CTNNA2: variants seen among roughly 807,000 people sequenced by gnomAD.
The protein encoded by CTNNA2 is catenin alpha-2.
In CTNNA2, 42 loss-of-function variants were observed where a neutral mutation model predicts 101.0. That is an observed-to-expected ratio of 0.42 (90% CI 0.32 to 0.54). The LOEUF (loss-of-function observed/expected upper bound fraction) is 0.54, where lower values mean the gene tolerates loss of function less well. Ranked by LOEUF, CTNNA2 falls within the 20% of genes least tolerant of loss-of-function variation. The probability of loss-of-function intolerance (pLI) is 0.14; values close to 1 mark genes in which losing one functional copy is unlikely to be tolerated. For synonymous variants in CTNNA2, 450 were observed against 456.4 expected, an observed-to-expected ratio of 0.99 and a Z score of 0.18; for missense variants, 871 against 1,223.1, an observed-to-expected ratio of 0.71 and a Z score of 4.29.
intron 3 of CTNNA2, among the ~76,000 whole-genome samples, chr2:79,852,671 A>C (rs939687904): frequency 6.6e-6 from 1 of 152,216 alleles, no homozygotes; most frequent in Non-Finnish European, 1.5e-5. Flanking sequence ...TGCTCACTGC[A>C]ACCTCCGCCT....
chr2:80,315,363 G>T (rs1678013197), intron 7 of CTNNA2, among the ~76,000 whole-genome samples: 1 of 152,174 alleles, frequency 6.6e-6, no homozygotes, highest in African/African-American at 2.4e-5. Context: ...ACTTCTGTGG[G>T]GACCAGGTTG....
intron 7 of CTNNA2, among the ~76,000 whole-genome samples, chr2:80,350,173 A>G (rs1481331826): frequency 6.6e-6 from 1 of 152,094 alleles, no homozygotes; most frequent in Admixed American, 6.6e-5. Flanking sequence ...TTTTGAGTGG[A>G]TAAATTTTCA....
intron 7 of CTNNA2, among the ~76,000 whole-genome samples, chr2:80,190,112 T>C (rs1206227799): frequency 6.6e-6 from 1 of 151,856 alleles, no homozygotes; most frequent in Admixed American, 6.6e-5. Context: ...CTTAAAGCCA[T>C]CAGTATCATG....
chr2:79,701,426 C>A (rs1362193517), intron 2 of CTNNA2, among the ~76,000 whole-genome samples: 1 of 151,296 alleles, frequency 6.6e-6, no homozygotes, highest in East Asian at 1.9e-4. Flanking sequence ...GTACCTGGGT[C>A]CCCTTGTCAC....
chr2:80,212,544 A>G (rs1707965511), intron 7 of CTNNA2, among the ~76,000 whole-genome samples: 1 of 152,088 alleles, frequency 6.6e-6, no homozygotes, highest in Admixed American at 6.5e-5. Context: ...ATGTTGAACC[A>G]GCCTTGCATC....
chr2:80,294,241 C>T (rs1045098735), intron 7 of CTNNA2, among the ~76,000 whole-genome samples: 2 of 152,160 alleles, frequency 1.3e-5, no homozygotes, highest in African/African-American at 4.8e-5. Flanking sequence ...AAGTTTATGT[C>T]TGCCTTGTGA....
chr2:80,454,084 C>A (rs1683756810), intron 9 of CTNNA2, among the ~76,000 whole-genome samples: 1 of 152,080 alleles, frequency 6.6e-6, no homozygotes, highest in Non-Finnish European at 1.5e-5. Context: ...ACATTTCGAG[C>A]CCCATTCCAA....
At chr2:79,558,516 G>T (rs955710940) in intron 1 of CTNNA2, among the ~76,000 whole-genome samples, 7 of 151,910 alleles carry the variant, frequency 4.6e-5, no homozygotes, top group Non-Finnish European at 7.4e-5. Context: ...GACGTGCAGT[G>T]TAATAGGGAA....
chr2:80,589,756 C>T (rs753308453), intron 15 of CTNNA2, among the ~76,000 whole-genome samples: 3 of 151,992 alleles, frequency 2.0e-5, no homozygotes, highest in Non-Finnish European at 4.4e-5. Context: ...CCCCGAGGGA[C>T]GGGTGACTCA....
chr2:79,541,427 CATATATATATATATATAT>C (rs9284785), intron 1 of CTNNA2, among the ~76,000 whole-genome samples: 2 of 142,794 alleles, frequency 1.4e-5, no homozygotes, highest in Admixed American at 7.2e-5. Context: ...CGCACACACA[CATATATATATATATATAT>C]ATATATATAT....
At chr2:79,262,572 A>T (rs952768150) in intron 2 of CTNNA2, among the ~76,000 whole-genome samples, 4 of 152,174 alleles carry the variant, frequency 2.6e-5, no homozygotes, top group Non-Finnish European at 5.9e-5. Context: ...GATAATCTCT[A>T]ATTCAGCGGC....
At chr2:79,367,545 G>A (rs972517241) in intron 3 of CTNNA2, among the ~76,000 whole-genome samples, 3 of 152,038 alleles carry the variant, frequency 2.0e-5, no homozygotes, top group African/African-American at 4.8e-5. Flanking sequence ...ATGGGGGAGG[G>A]AGATTTTATG....
intron 7 of CTNNA2, among the ~76,000 whole-genome samples, chr2:80,102,353 A>T (rs1227839707): frequency 6.6e-6 from 1 of 152,016 alleles, no homozygotes; most frequent in African/African-American, 2.4e-5. Flanking sequence ...ATCTTCTCCA[A>T]ACTGTTTTGA....
intron 7 of CTNNA2, among the ~76,000 whole-genome samples, chr2:79,931,354 C>G (rs1286405156): frequency 1.3e-5 from 2 of 151,886 alleles, no homozygotes; most frequent in African/African-American, 4.8e-5. Context: ...CTTTTTCTCC[C>G]CTATACCCAC....
chr2:80,451,459 CT>C (rs1473252628), intron 9 of CTNNA2, among the ~76,000 whole-genome samples: 1 of 152,146 alleles, frequency 6.6e-6, no homozygotes, highest in Admixed American at 6.5e-5. Flanking sequence ...TCAATTAAAC[CT>C]TTATAAATTA....
chr2:80,322,030 A>G (rs1678746040), intron 7 of CTNNA2, among the ~76,000 whole-genome samples: 1 of 152,128 alleles, frequency 6.6e-6, no homozygotes, highest in Non-Finnish European at 1.5e-5. Flanking sequence ...ACAAAACATC[A>G]TTTTAAATGT....
At chr2:80,329,320 A>T (rs1482393775) in intron 7 of CTNNA2, among the ~76,000 whole-genome samples, 1 of 152,210 alleles carries the variant, frequency 6.6e-6, no homozygotes, top group Non-Finnish European at 1.5e-5. Flanking sequence ...TGTCTGTTAT[A>T]AACACTTAGA....
intron 7 of CTNNA2, among the ~76,000 whole-genome samples, chr2:80,382,098 C>A (rs1210264835): frequency 6.6e-6 from 1 of 152,112 alleles, no homozygotes; most frequent in African/African-American, 2.4e-5. Flanking sequence ...TATGACTCTA[C>A]CGTTGGTGAA....
intron 1 of CTNNA2, among the ~76,000 whole-genome samples, chr2:79,606,085 G>GA (rs1237576795): frequency 6.6e-6 from 1 of 152,014 alleles, no homozygotes; most frequent in Non-Finnish European, 1.5e-5. Flanking sequence ...TACAAAAGGT[G>GA]AAAAAATCAA....
Sources: gnomAD v4.1 joint callset for allele counts (sites outside exome capture counted in the v4.1 genomes callset) on GRCh38, gnomAD v4.1.1 for gene constraint, MANE v1.5 for transcripts, NCBI Gene and HGNC (gene_info 2026-07-23, HGNC 2026-07-21) for gene names.